TMEM260: variants seen among roughly 807,000 people sequenced by gnomAD.
The protein encoded by TMEM260 is protein O-mannosyl-transferase TMEM260.
A neutral mutation model predicts 88.9 loss-of-function variants in TMEM260; 82 were observed. The ratio of observed to expected loss-of-function variants is 0.92; its 90% CI spans 0.77 to 1.11. The LOEUF is 1.11. TMEM260 is among the 50% of genes least tolerant of loss of function. The probability of loss-of-function intolerance (pLI) is 0.00; values close to 1 mark genes in which losing one functional copy is unlikely to be tolerated. For synonymous variants in TMEM260, 314 were observed against 309.3 expected (o/e 1.02, Z -0.16); for missense variants, 902 against 853.4 (o/e 1.06, Z -0.71).
intron 13 of TMEM260, 96 bp from the exon 14 acceptor site, chr14:56,634,803 T>C (rs772299472): frequency 3.8e-5 from 41 of 1,076,490 alleles, no homozygotes; most frequent in South Asian, 2.1e-4. Context: ...GATCGCACCA[T>C]TGCATTCCAG....
In TMEM260 at chr14:56,618,689, T is replaced by C; in HGVS notation, c.1152T>C (p.Asn384=). ...TGTCTGAGACTAACCGAGTGCTGAA[T>C]AGCAATGGGCTTCAGTGTCTGGAAT... is the stretch of plus-strand genomic sequence containing the variant. The part of the protein sequence containing the change: ...AVVSETNRVL[N]SNGLQCLEWL... The change falls in exon 10 of 16, where the codon AAT becomes AAC. Residue 384 remains asparagine (N), a synonymous_variant. Coordinates refer to ENST00000261556, the MANE Select transcript of TMEM260 (RefSeq NM_017799.4). 6.2e-7 allele frequency: 1 copy of C among 1,614,190 alleles called. No individual in the cohort carries two copies. The highest frequency in any genetic ancestry group is 1.1e-5 in the South Asian group (1 of 91,080).
At chr14:56,621,404 T>C (rs1328211021) in intron 10 of TMEM260, 127 bp from the exon 11 acceptor site, 2 of 639,204 alleles carry the variant, frequency 3.1e-6, no homozygotes, top group Non-Finnish European at 5.1e-6. Context: ...CATATTATTT[T>C]AGAATGTATT....
At chr14:56,609,684 A>G (rs1252786762) in intron 6 of TMEM260, among the ~76,000 whole-genome samples, 2 of 152,104 alleles carry the variant, frequency 1.3e-5, no homozygotes, top group African/African-American at 4.8e-5. Context: ...TCTTATTATT[A>G]TTTATTTATT....
intron 2 of TMEM260, among the ~76,000 whole-genome samples, chr14:56,585,298 T>C (rs557251428): frequency 1.8e-4 from 27 of 152,210 alleles, no homozygotes; most frequent in African/African-American, 6.5e-4. Flanking sequence ...ATAAATCGGG[T>C]TAACAGTTTT....
chr14:56,632,447 C>A (rs1006373551), intron 12 of TMEM260, among the ~76,000 whole-genome samples: 1 of 152,096 alleles, frequency 6.6e-6, no homozygotes, highest in African/African-American at 2.4e-5. Flanking sequence ...GCTAATGCCA[C>A]GATGTTGCCT....
chr14:56,634,248 T>C (rs1482364756), intron 13 of TMEM260, among the ~76,000 whole-genome samples: 1 of 152,226 alleles, frequency 6.6e-6, no homozygotes, highest in Non-Finnish European at 1.5e-5. Context: ...CTTTGGCTCT[T>C]ACCTCTGTCC....
chr14:56,641,777 C>T (rs951902715), intron 15 of TMEM260, among the ~76,000 whole-genome samples: 8 of 152,134 alleles, frequency 5.3e-5, no homozygotes, highest in South Asian at 2.1e-4. Flanking sequence ...ACCCATCTCA[C>T]GTGCAGAGAC....
chr14:56,650,694 T>C (rs1300601031), downstream of TMEM260: 1 of 152,234 alleles, frequency 6.6e-6, no homozygotes, highest in Non-Finnish European at 1.5e-5. Flanking sequence ...AGTGTTAGGT[T>C]TATTTTTATG....
intron 6 of TMEM260, among the ~76,000 whole-genome samples, chr14:56,611,170 G>C (rs1887250032): frequency 6.6e-6 from 1 of 151,978 alleles, no homozygotes; most frequent in Non-Finnish European, 1.5e-5. Context: ...GTTTCACCAT[G>C]TTGGCCAGGC....
chr14:56,651,853 A>C (rs1281639701), downstream of TMEM260, among the ~76,000 whole-genome samples: 1 of 152,260 alleles, frequency 6.6e-6, no homozygotes, highest in African/African-American at 2.4e-5. Context: ...TTTAATCATT[A>C]AGTTCATAAA....
Position 56,636,598 on chromosome 14 carries a change from C to CGTATGTTACACTTTTATATGTAGA in TMEM260, c.1869+1_1869+24dup. 1 of 1,612,786 alleles carries CGTATGTTACACTTTTATATGTAGA rather than the reference C, an allele frequency of 6.2e-7. No homozygotes were observed. The highest frequency in any genetic ancestry group is 8.5e-7 in the Non-Finnish European group (1 of 1,178,972). ...CTCAACTCTACGCTCAAGCATATGACGTATGTTACACTTTTATATGTAGAT... is the reference window on the plus strand; with the variant it reads ...CTCAACTCTACGCTCAAGCATATGACGTATGTTACACTTTTATATGTAGAGTATGTTACACTTTTATATGTAGAT... On this transcript the variant is annotated inframe_insertion and splice_region_variant. Coordinates refer to ENST00000261556, the MANE Select transcript of TMEM260 (RefSeq NM_017799.4).
At chr14:56,645,588 A>G (rs1054650975) in intron 15 of TMEM260, among the ~76,000 whole-genome samples, 2 of 152,154 alleles carry the variant, frequency 1.3e-5, no homozygotes, top group Non-Finnish European at 2.9e-5. Flanking sequence ...GCACATGTAT[A>G]CATATGTAAC....
intron 10 of TMEM260, among the ~76,000 whole-genome samples, chr14:56,619,820 A>G (rs1465422749): frequency 2.6e-5 from 4 of 152,224 alleles, no homozygotes; most frequent in Admixed American, 6.5e-5. Context: ...TCATTCTAAC[A>G]TAAAGACACA....
intron 11 of TMEM260, among the ~76,000 whole-genome samples, chr14:56,623,395 C>CT (rs1888048472): frequency 6.6e-6 from 1 of 152,114 alleles, no homozygotes; most frequent in South Asian, 2.1e-4. Flanking sequence ...TCTGGGGTAT[C>CT]TCCCTCTCTC....
chr14:56,610,076 A>G (rs1046615983), intron 6 of TMEM260, among the ~76,000 whole-genome samples: 9 of 152,196 alleles, frequency 5.9e-5, no homozygotes, highest in Non-Finnish European at 8.8e-5. Context: ...ATACAAAAGT[A>G]GTAGAACTAT....
intron 1 of TMEM260, among the ~76,000 whole-genome samples, chr14:56,580,888 C>G (rs1346846816): frequency 6.6e-6 from 1 of 152,178 alleles, no homozygotes; most frequent in Non-Finnish European, 1.5e-5. Flanking sequence ...ACTGAAGAAG[C>G]AGTTTTTGCT....
intron 15 of TMEM260, among the ~76,000 whole-genome samples, chr14:56,644,295 G>T (rs1889806977): frequency 6.6e-6 from 1 of 152,132 alleles, no homozygotes; most frequent in South Asian, 2.1e-4. Flanking sequence ...CATGGTACTG[G>T]TACCAAAACA....
downstream of TMEM260, chr14:56,650,318 G>A (rs1440278875): frequency 2.5e-5 from 7 of 284,910 alleles, no homozygotes; most frequent in South Asian, 9.5e-5. Flanking sequence ...GGGCCCTGCC[G>A]CCCTGGCACC....
At chr14:56,652,685 A>G (rs1890227322), downstream of TMEM260, among the ~76,000 whole-genome samples, 1 of 152,214 alleles carries the variant, frequency 6.6e-6, no homozygotes, top group South Asian at 2.1e-4. Context: ...ACTGAGTTCA[A>G]TTATGCAGAG....
Sources: allele counts gnomAD v4.1 joint callset (sites outside exome capture counted in the v4.1 genomes callset), GRCh38; gene constraint gnomAD v4.1.1; transcripts MANE v1.5; gene names NCBI Gene and HGNC (gene_info 2026-07-23, HGNC 2026-07-21).